The following CD72 variants were observed in gnomAD, a reference collection of about 807,000 sequenced individuals.
The protein encoded by CD72 is B-cell differentiation antigen CD72.
In CD72, 28 loss-of-function variants were observed where a neutral mutation model predicts 50.7. The observed-to-expected ratio is 0.55, with a 90% CI of 0.41 to 0.76. CD72 has a LOEUF of 0.76. Ranked by LOEUF, CD72 falls within the 30% of genes least tolerant of loss-of-function variation. The pLI, the probability that CD72 is intolerant of heterozygous loss-of-function variation, is 0.00. For missense variants in CD72, 403 were observed against 420.6 expected (o/e 0.96, Z 0.37); for synonymous variants, 176 against 171.2 (o/e 1.03, Z -0.22).
rs1823004981 is a variant in CD72 at position 35,612,711 on chromosome 9, G to A, written c.834+137C>T. On this transcript the variant is annotated intron_variant, in intron 6 of 8. Transcript: ENST00000259633. ...TTGTTTCCAAGCTCAGAGGTCAAGA[G>A]TATTATGATTCTCAGTTTCTTCCAT... 4 of 792,640 alleles carry A rather than the reference G, an allele frequency of 5.0e-6. No homozygotes were observed. The Admixed American group carries it at 9.1e-5, about 18-fold the overall frequency. 49.1% of individuals were successfully genotyped at this position (792,640 alleles called of 1,614,324 possible).
At chr9:35,629,435 ATATG>A (rs1000793277) in intron 1 of CD72, among the ~76,000 whole-genome samples, 115 of 152,318 alleles carry the variant, frequency 7.5e-4, no homozygotes, top group African/African-American at 2.7e-3. Flanking sequence ...TAGCATAAGC[ATATG>A]TATGTATGTT....
rs373229481 is a variant in CD72, at chr9:35,639,227, A to G, written n.408+7176T>C. Among the ~76,000 whole-genome samples the G allele has an allele frequency of 6.1e-4, 93 of 152,284 alleles. 1 individual carries two copies. The South Asian group carries it at 0.016, about 26-fold the overall frequency. ...TTGGGTAATAAAATAATAATAAAAG[A>G]AGAGACATTGGGTTAAGCACCCTTA... On this transcript the variant is annotated intron_variant and non_coding_transcript_variant, in intron 1 of 3. Coordinates refer to the CD72 transcript ENST00000465754.
intron 1 of CD72, among the ~76,000 whole-genome samples, chr9:35,634,415 C>T (rs776001955): frequency 1.6e-4 from 24 of 152,152 alleles, no homozygotes; most frequent in Admixed American, 1.2e-3. Flanking sequence ...TACAGTGGCA[C>T]GATCTTGGCT....
chr9:35,616,550 G>A lies in CD72; in HGVS notation c.352+50C>T, dbSNP rs201094728. ...GAAGATCAGCTTTGGGGCGAGAGTC[G>A]GGACGAAAGTCGTTCGGTGTAAGTG... On this transcript the variant is annotated intron_variant, in intron 4 of 8. Coordinates refer to ENST00000259633, the MANE Select transcript of CD72 (RefSeq NM_001782.3). 17 of 1,401,340 alleles carry A rather than the reference G, an allele frequency of 1.2e-5. No individual in the cohort carries two copies. The South Asian group carries it at 1.4e-4, about 11-fold the overall frequency. 86.8% of individuals were successfully genotyped at this position (1,401,340 alleles called of 1,614,324 possible). A position where few individuals can be genotyped will look rare whatever the true frequency, so the allele number is the denominator to read the frequency against.
Position 35,626,277 on chromosome 9 carries a change from G to C in CD72, n.409-8156C>G, listed in dbSNP as rs1445059932. Reference sequence around the variant, plus strand: ...GACTTCAATGGAGGAAGTAACTGCAGCTCTGATGGAAACTGCAAGAGAACT... The same window carrying C: ...GACTTCAATGGAGGAAGTAACTGCACCTCTGATGGAAACTGCAAGAGAACT... On this transcript the variant is annotated intron_variant and non_coding_transcript_variant, in intron 1 of 3. Transcript: ENST00000465754. 4.6e-5 allele frequency among the ~76,000 whole-genome samples: 7 copies of C among 152,046 alleles called. 1 individual carries two copies. Among genetic ancestry groups the C allele is most frequent in the Admixed American group, 4.6e-4 (7 of 15,234 alleles).
At chr9:35,611,716 G>T (rs916192941) in intron 7 of CD72, 88 bp downstream of exon 7, 22 of 747,702 alleles carry the variant, frequency 2.9e-5, no homozygotes, top group Middle Eastern at 2.3e-4. Flanking sequence ...GAGTCCTGAG[G>T]GGACCAGGTG....
chr9:35,610,029 C>T lies in CD72; in HGVS notation c.*294G>A, dbSNP rs1481165252. ...AACTGCCTGGCTGGCTCCGGGCCGC[C>T]CCTATCCGCTCAGCCCGTGCGCCCT... is the stretch of plus-strand genomic sequence containing the variant. On this transcript the variant is annotated 3_prime_UTR_variant, in exon 9 of 9. Coordinates refer to ENST00000259633, the MANE Select transcript of CD72 (RefSeq NM_001782.3). 2 of 386,900 alleles carry T rather than the reference C, an allele frequency of 5.2e-6. No individual in the cohort carries two copies. Among genetic ancestry groups the T allele is most frequent in the Non-Finnish European group, 9.3e-6 (2 of 216,050 alleles). 24.0% of individuals were successfully genotyped at this position (386,900 alleles called of 1,614,324 possible).
upstream of CD72, chr9:35,646,834 G>C (rs963027872): frequency 6.6e-6 from 1 of 152,254 alleles, no homozygotes; most frequent in Non-Finnish European, 1.5e-5. Flanking sequence ...CCAGACCCTG[G>C]GGTGGCCCCG....
intron 1 of CD72, among the ~76,000 whole-genome samples, chr9:35,645,521 G>T (rs1476341827): frequency 6.6e-6 from 1 of 152,060 alleles, no homozygotes; most frequent in Non-Finnish European, 1.5e-5. Context: ...GGTAGAGGTT[G>T]CAGTGAGCCG....
chr9:35,616,323 C>G (rs749349376), intron 4 of CD72, 45 bp from the exon 5 acceptor site: 5 of 1,472,954 alleles, frequency 3.4e-6, no homozygotes, highest in Non-Finnish European at 4.7e-6. Flanking sequence ...CCAGCCCTGC[C>G]CTAGTGCCCT....
Position 35,617,199 on chromosome 9 carries a change from G to T in CD72, c.239C>A (p.Pro80Gln). The T allele has an allele frequency of 6.4e-7, 1 of 1,569,126 alleles. No individual in the cohort carries two copies. Among genetic ancestry groups the T allele is most frequent in the Non-Finnish European group, 8.6e-7 (1 of 1,156,562 alleles). Reference protein sequence around the residue: ...PTASWRAVTSPAVGRILPCRT... With the variant: ...PTASWRAVTSQAVGRILPCRT... ...ACAGGGGAGAATCCGCCCGACAGCTGGTGACGTCACGGCTCTCCAGGACGC... is the reference window on the plus strand; with the variant it reads ...ACAGGGGAGAATCCGCCCGACAGCTTGTGACGTCACGGCTCTCCAGGACGC... The change falls in exon 3 of 9, where the codon CCA becomes CAA. Residue 80 changes from proline to glutamine, a missense_variant. Physicochemically the swap from Pro to Gln is moderately conservative, Grantham distance 76 (BLOSUM62 -1). Transcript: ENST00000259633.
At chr9:35,632,269 C>T (rs867870593) in intron 1 of CD72, among the ~76,000 whole-genome samples, 2 of 151,106 alleles carry the variant, frequency 1.3e-5, no homozygotes, top group Admixed American at 6.6e-5. Context: ...GCTCCGTCTT[C>T]CGGGTTCACG....
At chr9:35,617,387 T>G in intron 2 of CD72, 140 bp from the exon 3 acceptor site, 1 of 937,286 alleles carries the variant, frequency 1.1e-6, no homozygotes, top group Non-Finnish European at 1.6e-6. Flanking sequence ...GGACACAGTG[T>G]CACTCTCCTG....
intron 1 of CD72, among the ~76,000 whole-genome samples, chr9:35,632,082 T>C (rs1378007801): frequency 6.6e-6 from 1 of 152,212 alleles, no homozygotes; most frequent in Non-Finnish European, 1.5e-5. Flanking sequence ...TGGGTCAATT[T>C]TGGTAATTTA....
intron 1 of CD72, among the ~76,000 whole-genome samples, chr9:35,638,753 A>C (rs1159203299): frequency 1.3e-5 from 2 of 151,514 alleles, no homozygotes; most frequent in Non-Finnish European, 2.9e-5. Context: ...TTCATGAGCC[A>C]GGCCTCCAGG....
At chr9:35,616,304 A>G in intron 4 of CD72, 26 bp from the exon 5 acceptor site, 2 of 1,581,076 alleles carry the variant, frequency 1.3e-6, no homozygotes, top group Non-Finnish European at 1.7e-6. Flanking sequence ...GATTTGGTGG[A>G]TGTCTTCTCC....
At chr9:35,642,350 G>A (rs995361221) in intron 1 of CD72, among the ~76,000 whole-genome samples, 3 of 152,322 alleles carry the variant, frequency 2.0e-5, no homozygotes, top group African/African-American at 7.2e-5. Context: ...TTGTCTGACA[G>A]CCACAAGTCT....
chr9:35,626,783 T>C lies in CD72; in HGVS notation n.409-8662A>G, dbSNP rs969737109. On this transcript the variant is annotated intron_variant and non_coding_transcript_variant, in intron 1 of 3. Transcript: ENST00000465754. Reference sequence around the variant, plus strand: ...TTTTTAACAATAAGGTATTTTTTAATTAAGGTATTACATTGTTTTTTAAGG... The same window carrying C: ...TTTTTAACAATAAGGTATTTTTTAACTAAGGTATTACATTGTTTTTTAAGG... 2.6e-5 allele frequency among the ~76,000 whole-genome samples: 4 copies of C among 152,224 alleles called. No individual in the cohort carries two copies. The South Asian group carries it at 6.2e-4, about 24-fold the overall frequency.
chr9:35,633,892 ATAGCC>A (rs963881081), intron 1 of CD72, among the ~76,000 whole-genome samples: 3 of 152,232 alleles, frequency 2.0e-5, no homozygotes, highest in African/African-American at 7.2e-5. Context: ...TTGTCTGTAT[ATAGCC>A]TCTGGTTTTT....
Sources: gnomAD v4.1 joint callset for allele counts (sites outside exome capture counted in the v4.1 genomes callset) on GRCh38, gnomAD v4.1.1 for gene constraint, MANE v1.5 for transcripts, NCBI Gene and HGNC (gene_info 2026-07-23, HGNC 2026-07-21) for gene names.